The following ZDHHC14 variants were observed in gnomAD, a reference collection of about 807,000 sequenced individuals.
The protein encoded by ZDHHC14 is zDHHC palmitoyltransferase 14.
A neutral mutation model predicts 47.7 loss-of-function variants in ZDHHC14; 16 were observed. The observed-to-expected ratio is 0.34, with a 90% CI of 0.23 to 0.51. The LOEUF (loss-of-function observed/expected upper bound fraction) is 0.51, where lower values mean the gene tolerates loss of function less well. Among genes scored for constraint, ZDHHC14 ranks in the 20% least tolerant of loss-of-function variants. The pLI is 0.97. For missense variants in ZDHHC14, 515 were observed against 662.5 expected, an observed-to-expected ratio of 0.78 and a Z score of 2.44; for synonymous variants, 293 against 278.9, an observed-to-expected ratio of 1.05 and a Z score of -0.50.
chr6:157,630,030 T>C (rs9365203), intron 4 of ZDHHC14: 83,400 of 152,136 alleles, frequency 0.55, 24,691 homozygotes, highest in East Asian at 0.87. Context: ...CTCTGTTGCC[T>C]CAGCTGGAGT....
intron 2 of ZDHHC14, among the ~76,000 whole-genome samples, chr6:157,578,028 CT>C (rs1783370738): frequency 6.7e-6 from 1 of 148,486 alleles, no homozygotes; most frequent in Non-Finnish European, 1.5e-5. Flanking sequence ...CCTTTGCCCA[CT>C]TTTTAATGGG....
intron 1 of ZDHHC14, among the ~76,000 whole-genome samples, chr6:157,467,923 G>T (rs910925333): frequency 8.5e-5 from 13 of 152,052 alleles, no homozygotes; most frequent in Non-Finnish European, 1.9e-4. Flanking sequence ...TATTTGAGTT[G>T]GTTCCACTTT....
At chr6:157,540,267 G>A (rs1582908261) in intron 1 of ZDHHC14, among the ~76,000 whole-genome samples, 2 of 152,338 alleles carry the variant, frequency 1.3e-5, no homozygotes, top group South Asian at 4.1e-4. Context: ...GCATCAGCCT[G>A]GGGAAGTGGG....
At chr6:157,426,278 C>G (rs942511966) in intron 1 of ZDHHC14, among the ~76,000 whole-genome samples, 2 of 151,972 alleles carry the variant, frequency 1.3e-5, no homozygotes, top group Admixed American at 6.6e-5. Flanking sequence ...GAAGGGACAG[C>G]TAGGATGACC....
At chr6:157,544,500 T>C (rs148743649) in intron 2 of ZDHHC14, among the ~76,000 whole-genome samples, 2,093 of 152,020 alleles carry the variant, frequency 0.014, 56 homozygotes, top group African/African-American at 0.047. Flanking sequence ...ATAAAAAAAA[T>C]TGGCAGGGTG....
intron 2 of ZDHHC14, among the ~76,000 whole-genome samples, chr6:157,567,810 C>CA (rs11431689): frequency 0.39 from 52,385 of 136,048 alleles, 9,947 homozygotes; most frequent in East Asian, 0.54. Flanking sequence ...GACCCCATCT[C>CA]AAAAAAAAAA....
At position 157,540,933 on chromosome 6, in the gene ZDHHC14, T is replaced by TAA. The variant is rs1554264593; in HGVS notation, c.246-1651_246-1650dup. Among the ~76,000 whole-genome samples, 575 of 143,288 alleles carry TAA rather than the reference T, an allele frequency of 4.0e-3. 15 individuals carry two copies. The highest frequency in any genetic ancestry group is 0.016 in the African/African-American group (555 of 35,490). 94.0% of individuals were successfully genotyped at this position (143,288 alleles called of 152,430 possible). On this transcript the variant is annotated intron_variant, in intron 1 of 8. Transcript: ENST00000359775. ...GTGTATATATATATATATATATATATAATTTCATACCAGGGTAATTTCATG... is the reference window on the plus strand; with the variant it reads ...GTGTATATATATATATATATATATATAAAATTTCATACCAGGGTAATTTCATG...
chr6:157,580,990 C>CT (rs1783497824), intron 2 of ZDHHC14, among the ~76,000 whole-genome samples: 1 of 151,930 alleles, frequency 6.6e-6, no homozygotes, highest in Non-Finnish European at 1.5e-5. Context: ...CCTTGCTTCT[C>CT]TAATTCCTCT....
chr6:157,438,790 T>A (rs1214473471), intron 1 of ZDHHC14, among the ~76,000 whole-genome samples: 1 of 152,238 alleles, frequency 6.6e-6, no homozygotes, highest in Admixed American at 6.5e-5. Flanking sequence ...TGTCAGGATG[T>A]TAGAGTACTA....
chr6:157,536,206 G>A (rs1191021447), intron 1 of ZDHHC14, among the ~76,000 whole-genome samples: 1 of 152,198 alleles, frequency 6.6e-6, no homozygotes, highest in Non-Finnish European at 1.5e-5. Context: ...CAATAATGCA[G>A]CAAGGCCACT....
chr6:157,653,134 G>A (rs1365683406), intron 7 of ZDHHC14, among the ~76,000 whole-genome samples: 1 of 152,192 alleles, frequency 6.6e-6, no homozygotes, highest in Admixed American at 6.5e-5. Flanking sequence ...GCACTAGCAG[G>A]TACTCGAAAC....
chr6:157,403,321 G>T (rs1777681964), intron 1 of ZDHHC14, among the ~76,000 whole-genome samples: 2 of 152,224 alleles, frequency 1.3e-5, no homozygotes, highest in Non-Finnish European at 2.9e-5. Flanking sequence ...GCTAGGTTAT[G>T]AATGAAAGCA....
intron 2 of ZDHHC14, among the ~76,000 whole-genome samples, chr6:157,563,013 G>A (rs551734487): frequency 9.2e-5 from 14 of 152,210 alleles, no homozygotes; most frequent in Non-Finnish European, 1.5e-4. Context: ...GCGGCATGGA[G>A]GCTGGGGCCA....
intron 1 of ZDHHC14, among the ~76,000 whole-genome samples, chr6:157,440,074 G>A (rs1778531815): frequency 1.3e-5 from 2 of 152,018 alleles, no homozygotes; most frequent in South Asian, 4.2e-4. Flanking sequence ...TAATACCTAG[G>A]TGATAGGTTG....
intron 1 of ZDHHC14, among the ~76,000 whole-genome samples, chr6:157,523,662 G>A (rs902622563): frequency 4.6e-5 from 7 of 151,754 alleles, no homozygotes; most frequent in Admixed American, 1.3e-4. Context: ...TTGGGTGGCT[G>A]AAGTGGGAGG....
intron 3 of ZDHHC14, among the ~76,000 whole-genome samples, chr6:157,621,952 T>C (rs1316996461): frequency 6.6e-6 from 1 of 152,152 alleles, no homozygotes; most frequent in African/African-American, 2.4e-5. Context: ...GTCCTAACCT[T>C]TCTGACTGAT....
chr6:157,432,592 C>T (rs1259419889), intron 1 of ZDHHC14, among the ~76,000 whole-genome samples: 1 of 152,210 alleles, frequency 6.6e-6, no homozygotes, highest in Non-Finnish European at 1.5e-5. Context: ...GAGGTGGTTT[C>T]TTGGATCATT....
At chr6:157,481,878 CTTA>C (rs1461724225) in intron 1 of ZDHHC14, among the ~76,000 whole-genome samples, 1 of 152,200 alleles carries the variant, frequency 6.6e-6, no homozygotes, top group Non-Finnish European at 1.5e-5. Context: ...TCTTACTTCT[CTTA>C]TTAGATTATA....
intron 3 of ZDHHC14, among the ~76,000 whole-genome samples, chr6:157,607,928 A>G (rs770019469): frequency 6.6e-6 from 1 of 152,230 alleles, no homozygotes; most frequent in Non-Finnish European, 1.5e-5. Context: ...CAGAAACAAG[A>G]TCGTATTGCA....
Sources: allele counts gnomAD v4.1 joint callset (sites outside exome capture counted in the v4.1 genomes callset), GRCh38; gene constraint gnomAD v4.1.1; transcripts MANE v1.5; gene names NCBI Gene and HGNC (gene_info 2026-07-23, HGNC 2026-07-21).